STAP1: variants seen among roughly 807,000 people sequenced by gnomAD.
The protein encoded by STAP1 is signal-transducing adaptor protein 1.
STAP1 carries 30 observed loss-of-function variants against 37.8 expected under a neutral mutation model. The observed-to-expected ratio is 0.79, with a 90% confidence interval of 0.59 to 1.08. STAP1 has a LOEUF of 1.08. Ranked by LOEUF, STAP1 falls within the 50% of genes least tolerant of loss-of-function variation. The pLI, the probability that STAP1 is intolerant of heterozygous loss-of-function variation, is 0.00. For synonymous variants in STAP1, 130 were observed against 116.0 expected (o/e 1.12, Z -0.78); for missense variants, 357 against 349.4 (o/e 1.02, Z -0.17).
intron 4 of STAP1, among the ~76,000 whole-genome samples, chr4:67,577,650 TC>T (rs71604555): frequency 0.3 from 43,165 of 142,204 alleles, 6,601 homozygotes; most frequent in African/African-American, 0.38. Flanking sequence ...TTTCTTTCTT[TC>T]TTTTTTTTTT....
At chr4:67,571,472 A>T (rs767641931) in intron 2 of STAP1, among the ~76,000 whole-genome samples, 1 of 152,200 alleles carries the variant, frequency 6.6e-6, no homozygotes, top group Non-Finnish European at 1.5e-5. Flanking sequence ...ATACCAAGTG[A>T]TAGCTTCAAT....
chr4:67,580,149 C>A (rs868403602), intron 4 of STAP1, among the ~76,000 whole-genome samples: 2 of 152,180 alleles, frequency 1.3e-5, no homozygotes, highest in East Asian at 1.9e-4. Flanking sequence ...TGAGCCACTG[C>A]GCCCTCCCGT....
Position 67,558,753 on chromosome 4 carries a change from AG to A in STAP1, c.-55del. The stretch of plus-strand genomic sequence containing the variant: ...AACAGTTGCCTTTTCCTCTCACAGA[AG>A]GAAGATTTCATTTTGTTTGAGACGA... On this transcript the variant is annotated 5_prime_UTR_variant, in exon 1 of 9. Coordinates refer to ENST00000265404, the MANE Select transcript of STAP1 (RefSeq NM_012108.4). 4 of 1,576,136 alleles carry A rather than the reference AG, an allele frequency of 2.5e-6. No homozygotes were observed. In the South Asian group the frequency reaches 4.7e-5, roughly 18 times the overall value.
At chr4:67,584,378 A>G (rs1727935242) in intron 6 of STAP1, among the ~76,000 whole-genome samples, 1 of 152,198 alleles carries the variant, frequency 6.6e-6, no homozygotes, top group African/African-American at 2.4e-5. Flanking sequence ...TATAAAAAGA[A>G]AAACATCCCT....
rs769900958 is a variant in STAP1 at position 67,581,427 on chromosome 4, G to A, written c.486G>A (p.Lys162=). 7.4e-6 allele frequency: 12 copies of A among 1,613,590 alleles called. No individual in the cohort carries two copies. The African/African-American group carries it at 1.5e-4, about 20-fold the overall frequency. Residue 162 remains lysine, a synonymous_variant, in exon 5 of 9, where the codon AAG becomes AAA. Coordinates refer to ENST00000265404, the MANE Select transcript of STAP1 (RefSeq NM_012108.4). ...TEQSTSVEKE[K]EPTEDYVDVL... ...AGAGTACGTCCGTGGAAAAAGAGAA[G>A]GAACCAACTGAAGATTATGTGGATG...
At chr4:67,590,106 G>A (rs974535313) in intron 6 of STAP1, among the ~76,000 whole-genome samples, 7 of 151,982 alleles carry the variant, frequency 4.6e-5, no homozygotes, top group African/African-American at 1.7e-4. Flanking sequence ...CACTCATCCA[G>A]CTCCTAATAT....
intron 1 of STAP1, among the ~76,000 whole-genome samples, chr4:67,564,193 A>G (rs1011907120): frequency 5.3e-5 from 8 of 152,186 alleles, no homozygotes; most frequent in Non-Finnish European, 1.2e-4. Flanking sequence ...CTGTGGTTGC[A>G]GTTCACATGG....
intron 1 of STAP1, among the ~76,000 whole-genome samples, chr4:67,559,297 T>C (rs1727281711): frequency 6.6e-6 from 1 of 152,152 alleles, no homozygotes; most frequent in Non-Finnish European, 1.5e-5. Context: ...TGATGACATG[T>C]ACCATTAAGA....
intron 8 of STAP1, among the ~76,000 whole-genome samples, chr4:67,596,293 T>C (rs573048852): frequency 2.6e-5 from 4 of 152,310 alleles, no homozygotes; most frequent in South Asian, 2.1e-4. Context: ...CCTTCTGTCA[T>C]GATTGTAAGT....
intron 8 of STAP1, among the ~76,000 whole-genome samples, 189 bp downstream of exon 8, chr4:67,593,545 C>G (rs1156689326): frequency 6.6e-6 from 1 of 152,114 alleles, no homozygotes; most frequent in Non-Finnish European, 1.5e-5. Context: ...GTATTATGAA[C>G]AGAGTATGGG....
chr4:67,560,064 A>G (rs183455902), intron 1 of STAP1, among the ~76,000 whole-genome samples: 6 of 152,282 alleles, frequency 3.9e-5, no homozygotes, highest in Admixed American at 3.9e-4. Context: ...TTGCCAGGAA[A>G]GGGAAGTTGA....
At chr4:67,577,092 C>CA (rs1216867066) in intron 3 of STAP1, 111 bp from the exon 4 acceptor site, 10 of 975,650 alleles carry the variant, frequency 1.0e-5, no homozygotes, top group South Asian at 2.1e-5. Flanking sequence ...AGTTCTAAGC[C>CA]AAAAAAAGAA....
rs547134836 is a variant in STAP1, at chr4:67,578,767, AT to A, written c.363+1510del. 3.3e-5 allele frequency among the ~76,000 whole-genome samples: 5 copies of A among 152,204 alleles called. 1 individual carries two copies. Among genetic ancestry groups the A allele is most frequent in the African/African-American group, 1.2e-4 (5 of 41,542 alleles). On this transcript the variant is annotated intron_variant, in intron 4 of 8. Transcript: ENST00000265404. The stretch of plus-strand genomic sequence containing the variant: ...CTTTCCTGGAGTAAAAATAAAAAGC[AT>A]TATTTTTATATTAAAATACACACAT...
At chr4:67,565,724 C>T (rs2109854273) in intron 1 of STAP1, among the ~76,000 whole-genome samples, 1 of 152,118 alleles carries the variant, frequency 6.6e-6, no homozygotes, top group East Asian at 1.9e-4. Flanking sequence ...TTATGGGGTA[C>T]TCCTAGTTTT....
At chr4:67,588,212 G>T (rs1344930036) in intron 6 of STAP1, among the ~76,000 whole-genome samples, 4 of 151,926 alleles carry the variant, frequency 2.6e-5, no homozygotes, top group African/African-American at 9.7e-5. Flanking sequence ...TAAAAAGAGA[G>T]TCAAAACCTA....
intron 8 of STAP1, among the ~76,000 whole-genome samples, chr4:67,594,222 T>C (rs1728177833): frequency 6.6e-6 from 1 of 152,194 alleles, no homozygotes; most frequent in Non-Finnish European, 1.5e-5. Context: ...AGCAACCTTA[T>C]TTGGCTATCT....
At chr4:67,592,146 G>A (rs1348511294) in intron 7 of STAP1, among the ~76,000 whole-genome samples, 1 of 151,774 alleles carries the variant, frequency 6.6e-6, no homozygotes, top group Non-Finnish European at 1.5e-5. Context: ...TTAGAGACAG[G>A]GGTCTTGCTG....
intron 7 of STAP1, 69 bp from the exon 8 acceptor site, chr4:67,593,191 G>A (rs540646126): frequency 1.8e-6 from 2 of 1,095,412 alleles, no homozygotes; most frequent in Non-Finnish European, 1.3e-6. Flanking sequence ...TTAGATTCCA[G>A]TTGAGCCTTC....
chr4:67,569,991 A>T (rs1727564269), intron 1 of STAP1, among the ~76,000 whole-genome samples: 2 of 152,226 alleles, frequency 1.3e-5, no homozygotes, highest in African/African-American at 4.8e-5. Context: ...TCAGCCTCCC[A>T]AAGTGTTGGG....
Sources: allele counts gnomAD v4.1 joint callset (sites outside exome capture counted in the v4.1 genomes callset), GRCh38; gene constraint gnomAD v4.1.1; transcripts MANE v1.5; gene names NCBI Gene and HGNC (gene_info 2026-07-23, HGNC 2026-07-21).